Variants in CDYL observed in about 807,000 individuals in gnomAD.
CDYL encodes the protein chromodomain Y like.
In CDYL, 8 loss-of-function variants were observed where a neutral mutation model predicts 47.3. The observed-to-expected ratio is 0.17, with a 90% CI of 0.10 to 0.31. The LOEUF is 0.31. CDYL is among the 10% of genes least tolerant of loss of function. The pLI, the probability that CDYL is intolerant of heterozygous loss-of-function variation, is 1.00. For missense variants in CDYL, 471 were observed against 701.4 expected (o/e 0.67, Z 3.71); for synonymous variants, 266 against 265.0 (o/e 1.00, Z -0.04).
rs1412739020 is a variant in CDYL, at chr6:4,952,321, A to C, written c.1388A>C (p.Lys463Thr). The C allele has an allele frequency of 6.2e-7, 1 of 1,614,074 alleles. No individual in the cohort carries two copies. The highest frequency in any genetic ancestry group is 1.1e-5 in the South Asian group (1 of 91,086). Reference sequence around the variant, plus strand: ...CTGACAGCGCAGGAGGCGTGTGGCAAGGGCCTGGTCTCCCAGGTGTTTTGG... The same window carrying C: ...CTGACAGCGCAGGAGGCGTGTGGCACGGGCCTGGTCTCCCAGGTGTTTTGG... Reference protein sequence around the residue: ...RKLTAQEACGKGLVSQVFWPG... With the variant: ...RKLTAQEACGTGLVSQVFWPG... The change falls in exon 6 of 7, where the codon AAG (lysine) becomes ACG (threonine). Residue 463 changes from lysine to threonine, a missense_variant. Physicochemically the swap from Lys to Thr is moderately conservative, Grantham distance 78. Transcript: ENST00000397588.
At chr6:4,852,806 C>CTTTTTTTTTTTTTTTTTTTTTT (rs528608801) in intron 1 of CDYL, among the ~76,000 whole-genome samples, 1 of 146,698 alleles carries the variant, frequency 6.8e-6, no homozygotes, top group Admixed American at 6.8e-5. Flanking sequence ...TTTCTTTGTT[C>CTTTTTTTTTTTTTTTTTTTTTT]TTTTTTTTTT....
intron 1 of CDYL, among the ~76,000 whole-genome samples, chr6:4,864,437 A>G (rs1424572091): frequency 1.3e-5 from 2 of 152,188 alleles, no homozygotes; most frequent in Non-Finnish European, 2.9e-5. Flanking sequence ...ATCAGGAATA[A>G]TATTTTATCC....
chr6:4,891,662 T>C, intron 1 of CDYL, 51 bp from the exon 2 acceptor site: 11 of 1,453,956 alleles, frequency 7.6e-6, no homozygotes, highest in East Asian at 2.4e-5. Context: ...CTTGCACTTT[T>C]CCCCCCAAAT....
Position 4,736,003 on chromosome 6 carries a change from C to T in CDYL, c.186+1159C>T, listed in dbSNP as rs187258759. Among the ~76,000 whole-genome samples, 3 of 152,204 alleles carry T rather than the reference C, an allele frequency of 2.0e-5. No homozygotes were observed. The East Asian group carries it at 5.8e-4, about 30-fold the overall frequency. ...TGTTAACTATAGACAGCATGCTCTC[C>T]AGTAGCTCTTTAGAACTTGTATAAG... On this transcript the variant is annotated intron_variant, in intron 3 of 8. Coordinates refer to the CDYL transcript ENST00000328908.
At position 4,755,605 on chromosome 6, in the gene CDYL, A is replaced by G. The variant is rs115276597; in HGVS notation, c.186+20761A>G. Among the ~76,000 whole-genome samples the G allele has an allele frequency of 4.6e-3, 694 of 152,298 alleles. 8 individuals are homozygous for G. The highest frequency in any genetic ancestry group is 0.016 in the African/African-American group (651 of 41,554). On this transcript the variant is annotated intron_variant, in intron 3 of 8. Coordinates refer to the CDYL transcript ENST00000328908. ...TTCATTGTGTCAACTATTAATCATT[A>G]CTGTTCATTTCATGTTAGTGGCATC...
chr6:4,951,218 AC>A (rs1758693101), intron 5 of CDYL, among the ~76,000 whole-genome samples: 1 of 152,180 alleles, frequency 6.6e-6, no homozygotes, highest in South Asian at 2.1e-4. Flanking sequence ...ATTGTGTTTT[AC>A]CAGAGCCCCA....
chr6:4,908,330 G>A (rs1757301435), intron 2 of CDYL, among the ~76,000 whole-genome samples: 1 of 151,974 alleles, frequency 6.6e-6, no homozygotes, highest in Admixed American at 6.5e-5. Context: ...TGATCAGAGG[G>A]TGCGAGCACA....
At chr6:4,720,288 T>C (rs951137475) in intron 2 of CDYL, among the ~76,000 whole-genome samples, 2 of 152,198 alleles carry the variant, frequency 1.3e-5, no homozygotes, top group African/African-American at 4.8e-5. Context: ...CTTGAAAAAT[T>C]CTTAAAACTT....
At chr6:4,838,758 C>T (rs889604370) in intron 1 of CDYL, among the ~76,000 whole-genome samples, 9 of 152,026 alleles carry the variant, frequency 5.9e-5, no homozygotes. Flanking sequence ...GCCATCTCAG[C>T]TCAATGCAGC....
At chr6:4,863,936 G>A (rs529232991) in intron 1 of CDYL, among the ~76,000 whole-genome samples, 6 of 152,238 alleles carry the variant, frequency 3.9e-5, no homozygotes, top group South Asian at 2.1e-4. Context: ...GTTGAAACAC[G>A]CTAAAACCCT....
Position 4,723,792 on chromosome 6 carries a change from A to C in CDYL, c.103+7911A>C, listed in dbSNP as rs377127719. On this transcript the variant is annotated intron_variant, in intron 2 of 8. Transcript: ENST00000328908. ...CTGCTCTTGGCAACTTAAAAATCTA[A>C]GGGAAACATCAAGTCGTTATTTTAG... Among the ~76,000 whole-genome samples, 8 of 152,334 alleles carry C rather than the reference A, an allele frequency of 5.3e-5. No individual in the cohort carries two copies. In the East Asian group the frequency reaches 9.6e-4, roughly 18 times the overall value.
At chr6:4,877,322 T>TA (rs1254614251) in intron 1 of CDYL, among the ~76,000 whole-genome samples, 1 of 152,210 alleles carries the variant, frequency 6.6e-6, no homozygotes, top group East Asian at 1.9e-4. Context: ...ATGAGAAGTT[T>TA]AAAATTTTTT....
chr6:4,924,644 A>G (rs888618762), intron 2 of CDYL, among the ~76,000 whole-genome samples: 15 of 152,134 alleles, frequency 9.9e-5, no homozygotes, highest in African/African-American at 3.4e-4. Context: ...GGATGGTTTT[A>G]TTTTTAGGGC....
At chr6:4,905,953 A>G (rs1022209512) in intron 2 of CDYL, among the ~76,000 whole-genome samples, 8 of 152,222 alleles carry the variant, frequency 5.3e-5, no homozygotes, top group African/African-American at 1.2e-4. Context: ...TCTACTGTCA[A>G]CAGTAATTGT....
chr6:4,913,019 A>G lies in CDYL; in HGVS notation c.691+20640A>G, dbSNP rs373466573. Among the ~76,000 whole-genome samples the G allele has an allele frequency of 3.2e-3, 492 of 152,314 alleles. 1 individual carries two copies. The highest frequency in any genetic ancestry group is 0.011 in the African/African-American group (476 of 41,558). On this transcript the variant is annotated intron_variant, in intron 2 of 6. Coordinates refer to ENST00000397588, the MANE Select transcript of CDYL (RefSeq NM_004824.4). ...CTCTGAGGAGAGTGACTTGCCGGTGAGGTGGACTAGCAGAAGTCATCAGAG... is the reference window on the plus strand; with the variant it reads ...CTCTGAGGAGAGTGACTTGCCGGTGGGGTGGACTAGCAGAAGTCATCAGAG...
At chr6:4,925,061 A>G (rs1479971821) in intron 2 of CDYL, among the ~76,000 whole-genome samples, 1 of 152,232 alleles carries the variant, frequency 6.6e-6, no homozygotes. Flanking sequence ...ATCTGAAACC[A>G]TGCAGAAAGT....
intron 2 of CDYL, among the ~76,000 whole-genome samples, chr6:4,908,389 G>A (rs1245543858): frequency 6.6e-6 from 1 of 152,158 alleles, no homozygotes; most frequent in East Asian, 1.9e-4. Context: ...ATGTCCTTGG[G>A]CCCTAGTTTG....
chr6:4,753,632 A>C (rs1021693425), intron 3 of CDYL, among the ~76,000 whole-genome samples: 3 of 152,174 alleles, frequency 2.0e-5, no homozygotes. Context: ...CTGTGCTTAC[A>C]TGAAGGGGTG....
intron 2 of CDYL, among the ~76,000 whole-genome samples, chr6:4,911,460 G>A (rs1187778380): frequency 6.6e-6 from 1 of 152,156 alleles, no homozygotes; most frequent in Non-Finnish European, 1.5e-5. Flanking sequence ...TAGGTCATTA[G>A]GAAAGTTTTT....
Sources: gnomAD v4.1 joint callset for allele counts (sites outside exome capture counted in the v4.1 genomes callset) on GRCh38, gnomAD v4.1.1 for gene constraint, MANE v1.5 for transcripts, NCBI Gene and HGNC (gene_info 2026-07-23, HGNC 2026-07-21) for gene names.